TNN: variants seen among roughly 807,000 people sequenced by gnomAD.
TNN encodes tenascin-N.
Under a neutral mutation model 134.4 loss-of-function variants are expected in TNN, and 122 were observed. That is an observed-to-expected ratio of 0.91 (90% CI 0.78 to 1.06). The LOEUF is 1.06. Ranked by LOEUF, TNN falls within the 50% of genes least tolerant of loss-of-function variation. The pLI, the probability that TNN is intolerant of heterozygous loss-of-function variation, is 0.00. For missense variants in TNN, 1,739 were observed against 1,699.4 expected, an observed-to-expected ratio of 1.02 and a Z score of -0.41; for synonymous variants, 710 against 670.3, an observed-to-expected ratio of 1.06 and a Z score of -0.91.
At position 175,079,604 on chromosome 1, in the gene TNN, C is replaced by G; in HGVS notation, c.681C>G (p.Asp227Glu). 1.3e-6 allele frequency: 2 copies of G among 1,597,694 alleles called. No homozygotes were observed. The highest frequency in any genetic ancestry group is 1.7e-6 in the Non-Finnish European group (2 of 1,173,426). ...CQCHEDFMSE[D>E]CSEKRCPGDC... is the part of the protein sequence containing the mutation. ...GCCACGAAGACTTCATGTCGGAGGA[C>G]TGCAGCGAGAAGCGCTGTCCCGGCG... Residue 227 changes from aspartate (D) to glutamate (E), a missense_variant, in exon 3 of 19, where the codon GAC (aspartate) becomes GAG (glutamate). Physicochemically the swap from Asp to Glu is conservative, Grantham distance 45. Coordinates refer to ENST00000239462, the MANE Select transcript of TNN (RefSeq NM_022093.2).
chr1:175,121,625 A>G (rs1008408082), intron 11 of TNN, among the ~76,000 whole-genome samples: 1 of 152,210 alleles, frequency 6.6e-6, no homozygotes, highest in South Asian at 2.1e-4. Flanking sequence ...TGGGTGCAAA[A>G]TGCTGCTTGT....
intron 7 of TNN, among the ~76,000 whole-genome samples, chr1:175,096,085 A>G (rs763314693): frequency 6.6e-6 from 1 of 152,248 alleles, no homozygotes; most frequent in Non-Finnish European, 1.5e-5. Flanking sequence ...AGTTAAAAAG[A>G]TAAAGGACAG....
chr1:175,085,051 G>A (rs566803434), intron 5 of TNN, among the ~76,000 whole-genome samples: 1 of 152,244 alleles, frequency 6.6e-6, no homozygotes, highest in East Asian at 1.9e-4. Flanking sequence ...GAGATGCTTT[G>A]GAAGGAAAAG....
At chr1:175,077,107 G>T (rs552058973) in intron 1 of TNN, among the ~76,000 whole-genome samples, 31 of 152,308 alleles carry the variant, frequency 2.0e-4, no homozygotes, top group African/African-American at 7.0e-4. Flanking sequence ...CAAGAGAGCT[G>T]CTCTTCTTAT....
chr1:175,081,946 TC>T (rs1332344128), intron 4 of TNN, among the ~76,000 whole-genome samples: 1 of 152,140 alleles, frequency 6.6e-6, no homozygotes, highest in Non-Finnish European at 1.5e-5. Flanking sequence ...GAGTGGGTGT[TC>T]AGCTATTTGT....
chr1:175,137,097 G>A (rs2101851478), intron 17 of TNN, 109 bp downstream of exon 17: 1 of 1,204,772 alleles, frequency 8.3e-7, no homozygotes, highest in Non-Finnish European at 1.2e-6. Flanking sequence ...CTGTGGAGGT[G>A]AATTGTTCTC....
intron 12 of TNN, among the ~76,000 whole-genome samples, chr1:175,125,739 TTCTTTCTTTCTTTCTTTCTC>T (rs1675503329): frequency 3.8e-5 from 5 of 132,504 alleles, no homozygotes. Context: ...CTTTCTTTCT[TTCTTTCTTTCTTTCTTTCTC>T]TCTCTCTCCC....
chr1:175,073,395 A>T (rs932573670), intron 1 of TNN, among the ~76,000 whole-genome samples: 2 of 151,868 alleles, frequency 1.3e-5, no homozygotes, highest in Non-Finnish European at 2.9e-5. Flanking sequence ...CTTCCAACTC[A>T]TTTTCCTGGC....
At position 175,137,607 on chromosome 1, in the gene TNN, A is replaced by G. The variant is rs554119221; in HGVS notation, c.3595+619A>G. The stretch of plus-strand genomic sequence containing the variant: ...TGTTTGGTTGTGAGGGAAAAGAGCA[A>G]AATTAAGCAACATGACTGAAATGCT... On this transcript the variant is annotated intron_variant, in intron 17 of 18. Transcript: ENST00000239462. Among the ~76,000 whole-genome samples the G allele has an allele frequency of 3.3e-4, 50 of 152,344 alleles. 1 individual carries two copies. The highest frequency in any genetic ancestry group is 1.1e-3 in the African/African-American group (47 of 41,570).
chr1:175,110,369 C>G (rs1674989549), intron 9 of TNN, among the ~76,000 whole-genome samples: 2 of 152,162 alleles, frequency 1.3e-5, no homozygotes, highest in Admixed American at 1.3e-4. Flanking sequence ...AGCTTTTCAG[C>G]TTGATGTATT....
chr1:175,127,215 C>T (rs1675553150), intron 13 of TNN, 130 bp downstream of exon 13: 6 of 1,127,762 alleles, frequency 5.3e-6, no homozygotes, highest in Admixed American at 2.4e-5. Context: ...GCTGGTTGTA[C>T]ATCTGCCCCG....
At position 175,080,192 on chromosome 1, in the gene TNN, A is replaced by C; in HGVS notation, c.814A>C (p.Lys272Gln). ...VVTPQGLQLL[K>Q]NTEDSLLVSW... Reference sequence around the variant, plus strand: ...CACCCCACAGGGCCTGCAGCTGCTCAAGAACACGGAGGATTCTCTGCTGGT... The same window carrying C: ...CACCCCACAGGGCCTGCAGCTGCTCCAGAACACGGAGGATTCTCTGCTGGT... The change falls in exon 4 of 19, where the codon AAG becomes CAG. Residue 272 changes from lysine (K) to glutamine (Q), a missense_variant. Physicochemically the swap from Lys to Gln is moderately conservative, Grantham distance 53. Coordinates refer to ENST00000239462, the MANE Select transcript of TNN (RefSeq NM_022093.2). 2 of 1,614,008 alleles carry C rather than the reference A, an allele frequency of 1.2e-6. No homozygotes were observed. Among genetic ancestry groups the C allele is most frequent in the Non-Finnish European group, 1.7e-6 (2 of 1,179,986 alleles).
intron 17 of TNN, among the ~76,000 whole-genome samples, chr1:175,141,236 T>C (rs1434519666): frequency 2.0e-5 from 3 of 152,212 alleles, no homozygotes; most frequent in African/African-American, 7.2e-5. Flanking sequence ...GCTCCACCAT[T>C]AAGATGTTAT....
chr1:175,145,132 C>T (rs763078557), intron 18 of TNN, among the ~76,000 whole-genome samples: 4 of 152,052 alleles, frequency 2.6e-5, no homozygotes, highest in Non-Finnish European at 4.4e-5. Context: ...TCCAGAGGCC[C>T]CCTCTACATA....
At chr1:175,096,412 G>T (rs2149432405) in intron 7 of TNN, among the ~76,000 whole-genome samples, 1 of 152,322 alleles carries the variant, frequency 6.6e-6, no homozygotes, top group Admixed American at 6.5e-5. Context: ...AGATGTCTGT[G>T]GTGCATGCTG....
intron 5 of TNN, among the ~76,000 whole-genome samples, chr1:175,085,028 A>G (rs752510178): frequency 6.6e-6 from 1 of 152,210 alleles, no homozygotes; most frequent in African/African-American, 2.4e-5. Context: ...GCTAAATGTC[A>G]CAATGAGAAG....
chr1:175,092,183 C>T (rs1444565814), intron 6 of TNN, among the ~76,000 whole-genome samples: 1 of 152,202 alleles, frequency 6.6e-6, no homozygotes, highest in African/African-American at 2.4e-5. Context: ...TTGGATGGCT[C>T]TTGTCATCTC....
At chr1:175,080,575 C>T (rs933789144) in intron 4 of TNN, 149 bp downstream of exon 4, 2 of 1,016,024 alleles carry the variant, frequency 2.0e-6, no homozygotes, top group South Asian at 3.3e-5. Flanking sequence ...TCCCAGTTCT[C>T]TCTCTTCTTT....
intron 11 of TNN, among the ~76,000 whole-genome samples, chr1:175,122,381 C>T (rs1049124432): frequency 1.3e-5 from 2 of 152,120 alleles, no homozygotes; most frequent in Non-Finnish European, 2.9e-5. Context: ...GACCGAGACT[C>T]TGTATCAACA....
Sources: gnomAD v4.1 joint callset for allele counts (sites outside exome capture counted in the v4.1 genomes callset) on GRCh38, gnomAD v4.1.1 for gene constraint, MANE v1.5 for transcripts, NCBI Gene and HGNC (gene_info 2026-07-23, HGNC 2026-07-21) for gene names.